The following TBC1D22A variants were observed in gnomAD, a reference collection of about 807,000 sequenced individuals.
The protein encoded by TBC1D22A is TBC1 domain family member 22A, also known as putative GTPase activator.
TBC1D22A carries 38 observed loss-of-function variants against 60.2 expected under a neutral mutation model. The ratio of observed to expected loss-of-function variants is 0.63; its 90% CI spans 0.49 to 0.83. The LOEUF (loss-of-function observed/expected upper bound fraction) is 0.83. Ranked by LOEUF, TBC1D22A falls within the 40% of genes least tolerant of loss-of-function variation. TBC1D22A has a pLI of 0.00. For missense variants in TBC1D22A, 628 were observed against 701.0 expected (o/e 0.90, Z 1.18); for synonymous variants, 302 against 281.7 (o/e 1.07, Z -0.72).
At chr22:46,915,830 G>T (rs763865695) in intron 8 of TBC1D22A, 1 of 456,380 alleles carries the variant, frequency 2.2e-6, no homozygotes, top group East Asian at 6.9e-5. Context: ...GGGAATCCTG[G>T]AGTGTGGCAT....
At chr22:47,016,887 G>A (rs185048549) in intron 10 of TBC1D22A, among the ~76,000 whole-genome samples, 26 of 147,252 alleles carry the variant, frequency 1.8e-4, no homozygotes. Context: ...CCTGGGCCAG[G>A]TTCTTGCCCT....
intron 11 of TBC1D22A, among the ~76,000 whole-genome samples, chr22:47,054,745 G>A (rs1370685781): frequency 1.3e-5 from 2 of 152,244 alleles, no homozygotes; most frequent in Non-Finnish European, 2.9e-5. Context: ...AGTGAGGGCT[G>A]TTCCTGGGCA....
rs111975947 is a variant in TBC1D22A at position 46,860,579 on chromosome 22, T to C, written c.638-18074T>C. On this transcript the variant is annotated intron_variant, in intron 4 of 12. Transcript: ENST00000337137. ...TTTTTGATAGAGGTCCGCGCAGTGC[T>C]GTGCCCCTTCCCGGGACCAGAATCC... Among the ~76,000 whole-genome samples the C allele has an allele frequency of 3.2e-3, 394 of 124,980 alleles. 4 individuals carry two copies. The highest frequency in any genetic ancestry group is 8.6e-3 in the South Asian group (32 of 3,726). 82.0% of individuals were successfully genotyped at this position (124,980 alleles called of 152,430 possible).
At chr22:47,067,278 C>T (rs1405902986) in intron 11 of TBC1D22A, among the ~76,000 whole-genome samples, 1 of 152,194 alleles carries the variant, frequency 6.6e-6, no homozygotes, top group African/African-American at 2.4e-5. Flanking sequence ...GAAAAGCCCC[C>T]ATTTTAACCA....
intron 10 of TBC1D22A, among the ~76,000 whole-genome samples, chr22:47,018,852 A>ACTCACATT (rs1388382295): frequency 6.6e-6 from 1 of 152,020 alleles, no homozygotes; most frequent in East Asian, 1.9e-4. Flanking sequence ...CTCGCCTGTC[A>ACTCACATT]CTCACATTTT....
At position 47,130,413 on chromosome 22, in the gene TBC1D22A, G is replaced by C. The variant is rs146821150; in HGVS notation, c.1425+18810G>C. On this transcript the variant is annotated intron_variant, in intron 12 of 12. Transcript: ENST00000337137. Reference sequence around the variant, plus strand: ...AGAGCACACCCCTCAGCACTTCTCTGTGTGAATGAGCCTGGCAGGGACCTA... The same window carrying C: ...AGAGCACACCCCTCAGCACTTCTCTCTGTGAATGAGCCTGGCAGGGACCTA... Among the ~76,000 whole-genome samples, 525 of 152,230 alleles carry C rather than the reference G, an allele frequency of 3.4e-3. 2 individuals are homozygous for C. Among genetic ancestry groups the C allele is most frequent in the African/African-American group, 0.012 (485 of 41,526 alleles).
rs767649205 is a variant in TBC1D22A at position 46,762,804 on chromosome 22, C to A, written c.18C>A (p.Ala6=). ...GAGGGGCCATGGCCAGCGACGGGGC[C>A]AGGAAGCAATTCTGGAAGCGCAGCA... The part of the protein sequence containing the change: MASDG[A]RKQFWKRSNS... The change falls in exon 1 of 13, where the codon GCC becomes GCA. Residue 6 remains alanine, a synonymous_variant. Transcript: ENST00000337137. The A allele has an allele frequency of 2.1e-5, 31 of 1,455,080 alleles. No homozygotes were observed. The highest frequency in any genetic ancestry group is 2.8e-5 in the Non-Finnish European group (31 of 1,111,756). 90.1% of individuals were successfully genotyped at this position (1,455,080 alleles called of 1,614,324 possible).
intron 1 of TBC1D22A, among the ~76,000 whole-genome samples, chr22:46,769,445 G>T (rs955241718): frequency 6.6e-6 from 1 of 152,246 alleles, no homozygotes; most frequent in Non-Finnish European, 1.5e-5. Context: ...GAACACATGC[G>T]CACAGACTGC....
chr22:46,839,330 C>A (rs1346132990), intron 4 of TBC1D22A, among the ~76,000 whole-genome samples: 3 of 146,044 alleles, frequency 2.1e-5, no homozygotes, highest in Admixed American at 6.9e-5. Flanking sequence ...TTTTTTGAGA[C>A]GGAGTCTCGC....
At chr22:47,082,539 C>G (rs969830937) in intron 11 of TBC1D22A, among the ~76,000 whole-genome samples, 1 of 152,208 alleles carries the variant, frequency 6.6e-6, no homozygotes, top group Non-Finnish European at 1.5e-5. Context: ...GCTAACATTA[C>G]AAATAGCCCA....
At chr22:46,826,197 C>T (rs921033190) in intron 4 of TBC1D22A, among the ~76,000 whole-genome samples, 40 of 152,164 alleles carry the variant, frequency 2.6e-4, no homozygotes, top group African/African-American at 9.4e-4. Context: ...CTTCTTTTAA[C>T]GCTAAACTGT....
rs747971902 is a variant in TBC1D22A, at chr22:46,793,720, G to A, written c.339G>A (p.Thr113=). 6.2e-6 allele frequency: 10 copies of A among 1,610,118 alleles called. No homozygotes were observed. Among genetic ancestry groups the A allele is most frequent in the South Asian group, 4.4e-5 (4 of 90,830 alleles). Residue 113 remains threonine (T), a synonymous_variant, in exon 3 of 13, where the codon ACG becomes ACA. Transcript: ENST00000337137. ...ACAGCCAGCGGCAGGGGCGGCCCAC[G>A]CTGCAGGAGGGGCCAGGGCTTCAGC... is the stretch of plus-strand genomic sequence containing the variant. ...RNHSQRQGRP[T]LQEGPGLQQK...
chr22:46,967,528 T>C (rs1467843629), intron 8 of TBC1D22A, among the ~76,000 whole-genome samples: 1 of 152,230 alleles, frequency 6.6e-6, no homozygotes, highest in African/African-American at 2.4e-5. Flanking sequence ...GGGTGATGAA[T>C]GTGGTGGTAA....
chr22:47,041,425 G>A (rs575403932), intron 11 of TBC1D22A, among the ~76,000 whole-genome samples: 6 of 152,284 alleles, frequency 3.9e-5, no homozygotes, highest in East Asian at 1.9e-4. Flanking sequence ...CTGAGGGCGC[G>A]TCCTCCCACT....
chr22:47,147,416 G>C (rs1400964764), intron 12 of TBC1D22A, among the ~76,000 whole-genome samples: 1 of 152,174 alleles, frequency 6.6e-6, no homozygotes, highest in African/African-American at 2.4e-5. Flanking sequence ...ACCTTGAGTG[G>C]ATCCTGCTGC....
At chr22:46,810,035 T>C (rs756076306) in intron 4 of TBC1D22A, among the ~76,000 whole-genome samples, 5 of 152,210 alleles carry the variant, frequency 3.3e-5, no homozygotes, top group Admixed American at 6.5e-5. Flanking sequence ...ATTTATATGC[T>C]TGATCAAAAT....
chr22:47,015,328 G>C (rs969564572), intron 10 of TBC1D22A, among the ~76,000 whole-genome samples: 1 of 152,200 alleles, frequency 6.6e-6, no homozygotes. Context: ...TGGGGAGGGC[G>C]GCTCGCTTTA....
intron 3 of TBC1D22A, among the ~76,000 whole-genome samples, chr22:46,795,063 C>T (rs1162870171): frequency 1.3e-5 from 2 of 152,188 alleles, no homozygotes; most frequent in Non-Finnish European, 2.9e-5. Context: ...GAATGCTGTG[C>T]GTGATTTCAT....
intron 12 of TBC1D22A, among the ~76,000 whole-genome samples, chr22:47,144,650 G>A (rs2067225238): frequency 6.6e-6 from 1 of 152,256 alleles, no homozygotes; most frequent in Non-Finnish European, 1.5e-5. Context: ...ACTGTCTCCA[G>A]TCAGCACTGG....
Sources: gnomAD v4.1 joint callset for allele counts (sites outside exome capture counted in the v4.1 genomes callset) on GRCh38, gnomAD v4.1.1 for gene constraint, MANE v1.5 for transcripts, NCBI Gene and HGNC (gene_info 2026-07-23, HGNC 2026-07-21) for gene names.